The following SEMA6A variants were observed in gnomAD, a reference collection of about 807,000 sequenced individuals.
SEMA6A encodes the protein semaphorin-6A.
Under a neutral mutation model 96.8 loss-of-function variants are expected in SEMA6A, and 25 were observed. The observed-to-expected ratio is 0.26, with a 90% confidence interval of 0.19 to 0.36. The LOEUF is 0.36. SEMA6A is among the 10% of genes least tolerant of loss of function. SEMA6A has a pLI of 1.00. For synonymous variants in SEMA6A, 612 were observed against 518.0 expected, an observed-to-expected ratio of 1.18 and a Z score of -2.46; for missense variants, 1,363 against 1,323.1, an observed-to-expected ratio of 1.03 and a Z score of -0.47.
chr5:116,453,863 G>A (rs1310360985), intron 18 of SEMA6A, among the ~76,000 whole-genome samples: 2 of 152,136 alleles, frequency 1.3e-5, no homozygotes, highest in Non-Finnish European at 2.9e-5. Context: ...GATGTTATCT[G>A]TCCTATCAAA....
At chr5:116,455,803 T>A (rs1200274284) in intron 18 of SEMA6A, among the ~76,000 whole-genome samples, 1 of 152,154 alleles carries the variant, frequency 6.6e-6, no homozygotes, top group African/African-American at 2.4e-5. Context: ...CACTTTGAGC[T>A]CATAAAGACC....
At chr5:116,513,882 T>A (rs1758541342) in intron 1 of SEMA6A, among the ~76,000 whole-genome samples, 1 of 152,176 alleles carries the variant, frequency 6.6e-6, no homozygotes, top group South Asian at 2.1e-4. Flanking sequence ...CATGCGGTAT[T>A]TGGTTTTCTG....
chr5:116,453,979 C>A (rs775612657), intron 18 of SEMA6A, among the ~76,000 whole-genome samples: 1 of 152,132 alleles, frequency 6.6e-6, no homozygotes, highest in Non-Finnish European at 1.5e-5. Flanking sequence ...CCACCCTAAG[C>A]GTGTAAGACA....
At position 116,562,978 on chromosome 5, in the gene SEMA6A, C is replaced by T. The variant is rs76965670; in HGVS notation, c.-39+11207G>A. The T allele has an allele frequency of 9.2e-3, 5,234 of 566,738 alleles. 211 individuals are homozygous for T. The highest frequency in any genetic ancestry group is 0.087 in the African/African-American group (4,628 of 52,902). 35.1% of individuals were successfully genotyped at this position (566,738 alleles called of 1,614,324 possible). A position where few individuals can be genotyped will look rare whatever the true frequency, so the allele number is the denominator to read the frequency against. Reference sequence around the variant, plus strand: ...CCCCCCCATCCTCTCTGACAGCACCCGCAGGAAGGGGGGTCGCCGTGGTCG... The same window carrying T: ...CCCCCCCATCCTCTCTGACAGCACCTGCAGGAAGGGGGGTCGCCGTGGTCG... On this transcript the variant is annotated intron_variant, in intron 1 of 18. Transcript: ENST00000343348.
intron 1 of SEMA6A, among the ~76,000 whole-genome samples, chr5:116,540,737 C>A (rs2112862038): frequency 6.6e-6 from 1 of 152,252 alleles, no homozygotes; most frequent in Non-Finnish European, 1.5e-5. Context: ...GGGAAAAAAA[C>A]TTGGCCCAAA....
rs1756553844 is a variant in SEMA6A, at chr5:116,478,070, A to G, written c.1512T>C (p.Ser504=). 6.2e-7 allele frequency: 1 copy of G among 1,613,898 alleles called. No individual in the cohort carries two copies. The highest frequency in any genetic ancestry group is 1.3e-5 in the African/African-American group (1 of 74,942). ...RASSSLYVAF[S]TCVIKVPLGR... is the part of the protein sequence containing the mutation. ...CAAGGGGAACCTTTATCACACAGGT[A>G]GAGAACGCAACATACAGAGAGCTGC... The change falls in exon 14 of 19, where the codon TCT becomes TCC. Residue 504 remains serine (S), a synonymous_variant. Transcript: ENST00000343348.
intron 2 of SEMA6A, among the ~76,000 whole-genome samples, chr5:116,504,172 C>T (rs1561502711): frequency 6.6e-6 from 1 of 152,066 alleles, no homozygotes. Flanking sequence ...TGCTCTCTTA[C>T]ATTTTTACTG....
intron 2 of SEMA6A, 91 bp downstream of exon 2, chr5:116,504,754 C>G (rs1302570111): frequency 3.0e-6 from 3 of 996,514 alleles, no homozygotes; most frequent in Non-Finnish European, 4.6e-6. Context: ...GTCACCTATT[C>G]TATTTCATTT....
intron 1 of SEMA6A, among the ~76,000 whole-genome samples, chr5:116,523,417 G>A (rs1313587137): frequency 6.6e-6 from 1 of 152,040 alleles, no homozygotes; most frequent in Non-Finnish European, 1.5e-5. Flanking sequence ...GGGTTCAAGC[G>A]ATTCTCCTGC....
intron 1 of SEMA6A, among the ~76,000 whole-genome samples, chr5:116,561,557 C>G (rs1396779578): frequency 6.6e-6 from 1 of 152,192 alleles, no homozygotes; most frequent in African/African-American, 2.4e-5. Context: ...TTGTCCTATT[C>G]GTACATTTAA....
intron 18 of SEMA6A, among the ~76,000 whole-genome samples, chr5:116,450,878 C>T (rs1056698081): frequency 3.9e-5 from 6 of 152,080 alleles, no homozygotes; most frequent in South Asian, 2.1e-4. Flanking sequence ...ATAAGGTAAA[C>T]GTTATTTTTG....
chr5:116,512,897 G>A (rs933423990), intron 1 of SEMA6A, among the ~76,000 whole-genome samples: 1 of 152,146 alleles, frequency 6.6e-6, no homozygotes, highest in Admixed American at 6.5e-5. Flanking sequence ...TCTCAACCAG[G>A]CTTACCTGTG....
intron 3 of SEMA6A, among the ~76,000 whole-genome samples, chr5:116,501,242 G>A (rs569907842): frequency 1.3e-5 from 2 of 152,258 alleles, no homozygotes; most frequent in South Asian, 2.1e-4. Context: ...GGATACTTAT[G>A]GCCAGACAAC....
At chr5:116,514,577 C>G (rs1580460787) in intron 1 of SEMA6A, among the ~76,000 whole-genome samples, 2 of 152,142 alleles carry the variant, frequency 1.3e-5, no homozygotes, top group East Asian at 3.9e-4. Context: ...GTTAAGAAAA[C>G]TGAGGTCCAA....
intron 18 of SEMA6A, among the ~76,000 whole-genome samples, chr5:116,463,089 G>T (rs562951327): frequency 6.6e-6 from 1 of 152,290 alleles, no homozygotes; most frequent in African/African-American, 2.4e-5. Flanking sequence ...GATCCAGTTG[G>T]AAGACAAAGC....
At chr5:116,496,148 A>C in intron 5 of SEMA6A, 103 bp downstream of exon 5, 1 of 996,194 alleles carries the variant, frequency 1.0e-6, no homozygotes, top group Non-Finnish European at 1.5e-6. Context: ...CTGAGGGAAA[A>C]AGGAAAAAGC....
chr5:116,482,711 G>A (rs770003547), intron 10 of SEMA6A, 136 bp from the exon 11 acceptor site: 2 of 767,176 alleles, frequency 2.6e-6, no homozygotes, highest in Non-Finnish European at 2.0e-6. Context: ...AAATATAAGG[G>A]ATCTTAGTAC....
chr5:116,472,168 G>A (rs1324099307), intron 17 of SEMA6A: 1 of 152,154 alleles, frequency 6.6e-6, no homozygotes. Flanking sequence ...CTTGAGAAAT[G>A]TAAATGGAAC....
At chr5:116,513,407 G>A (rs1235531850) in intron 1 of SEMA6A, among the ~76,000 whole-genome samples, 4 of 152,138 alleles carry the variant, frequency 2.6e-5, no homozygotes, top group Non-Finnish European at 5.9e-5. Context: ...GAGTACAGGT[G>A]TGAGCCACCG....
Sources: allele counts gnomAD v4.1 joint callset (sites outside exome capture counted in the v4.1 genomes callset), GRCh38; gene constraint gnomAD v4.1.1; transcripts MANE v1.5; gene names NCBI Gene and HGNC (gene_info 2026-07-23, HGNC 2026-07-21).